Variants in EIF4ENIF1 observed in about 807,000 individuals in gnomAD.
EIF4ENIF1 encodes the protein eukaryotic translation initiation factor 4E transporter.
Under a neutral mutation model 110.5 loss-of-function variants are expected in EIF4ENIF1, and 23 were observed. The ratio of observed to expected loss-of-function variants is 0.21; its 90% CI spans 0.15 to 0.29. The LOEUF (loss-of-function observed/expected upper bound fraction) is 0.29. Among genes scored for constraint, EIF4ENIF1 ranks in the 10% least tolerant of loss-of-function variants. EIF4ENIF1 has a pLI of 1.00. For missense variants in EIF4ENIF1, 1,031 were observed against 1,221.1 expected (o/e 0.84, Z 2.32); for synonymous variants, 440 against 437.0 (o/e 1.01, Z -0.09).
At chr22:31,453,376 CTTTTT>C (rs749007679) in intron 10 of EIF4ENIF1, 193 of 321,846 alleles carry the variant, frequency 6.0e-4, no homozygotes, top group Admixed American at 9.2e-4. Context: ...ACCCATCTTA[CTTTTT>C]TTTTTTTTTT....
intron 6 of EIF4ENIF1, chr22:31,461,874 T>TAA (rs773689678): frequency 3.9e-5 from 6 of 152,206 alleles, no homozygotes; most frequent in Non-Finnish European, 5.9e-5. Context: ...GTGACTACCT[T>TAA]AAGTGTCCTT....
intron 3 of EIF4ENIF1, among the ~76,000 whole-genome samples, chr22:31,470,481 A>C (rs1170014225): frequency 6.6e-6 from 1 of 151,918 alleles, no homozygotes; most frequent in African/African-American, 2.4e-5. Flanking sequence ...GGGTTTCGCC[A>C]TGTTGGCCAG....
downstream of EIF4ENIF1, among the ~76,000 whole-genome samples, chr22:31,438,727 CTT>C (rs796917982): frequency 1.4e-5 from 2 of 145,198 alleles, no homozygotes; most frequent in African/African-American, 5.0e-5. Context: ...GTCCAATTAA[CTT>C]TTTTTTTTTT....
intron 3 of EIF4ENIF1, among the ~76,000 whole-genome samples, 179 bp downstream of exon 3, chr22:31,471,665 C>T (rs1249746274): frequency 6.6e-6 from 1 of 152,156 alleles, no homozygotes; most frequent in Non-Finnish European, 1.5e-5. Context: ...ACCAGGTCAT[C>T]TTTTAATTTT....
chr22:31,469,540 A>T (rs2051293894), intron 3 of EIF4ENIF1, among the ~76,000 whole-genome samples: 1 of 152,176 alleles, frequency 6.6e-6, no homozygotes, highest in Admixed American at 6.5e-5. Flanking sequence ...CTTCTAGGGT[A>T]GTGGTGAGGA....
intron 4 of EIF4ENIF1, among the ~76,000 whole-genome samples, chr22:31,466,341 A>C (rs1164934033): frequency 6.6e-6 from 1 of 151,654 alleles, no homozygotes; most frequent in African/African-American, 2.4e-5. Context: ...TGAACCCGGG[A>C]GGCAGAGGTT....
chr22:31,487,420 G>A (rs2052075282), intron 2 of EIF4ENIF1, among the ~76,000 whole-genome samples: 1 of 152,156 alleles, frequency 6.6e-6, no homozygotes, highest in Admixed American at 6.5e-5. Context: ...TAAGAGTAGT[G>A]CACCAGAACA....
At chr22:31,448,027 G>A in intron 13 of EIF4ENIF1, 126 bp downstream of exon 13, 1 of 1,027,334 alleles carries the variant, frequency 9.7e-7, no homozygotes, top group Non-Finnish European at 1.5e-6. Flanking sequence ...GGGATTACGG[G>A]CATGAGCCAC....
intron 4 of EIF4ENIF1, among the ~76,000 whole-genome samples, chr22:31,466,961 G>A (rs574691015): frequency 2.0e-5 from 3 of 152,160 alleles, no homozygotes; most frequent in Admixed American, 1.3e-4. Context: ...TACTTTTACA[G>A]AATTTCTGTG....
chr22:31,469,913 C>T (rs2051308587), intron 3 of EIF4ENIF1, among the ~76,000 whole-genome samples: 1 of 151,986 alleles, frequency 6.6e-6, no homozygotes, highest in South Asian at 2.1e-4. Flanking sequence ...CTGCTAATCC[C>T]AGCACTTTGG....
chr22:31,486,278 A>T (rs9680754), intron 2 of EIF4ENIF1, among the ~76,000 whole-genome samples: 44 of 19,166 alleles, frequency 2.3e-3, no homozygotes, highest in African/African-American at 9.1e-3. Flanking sequence ...CTCAAAAAAA[A>T]AAAAATAAAA....
intron 4 of EIF4ENIF1, among the ~76,000 whole-genome samples, chr22:31,466,911 A>G (rs1048651369): frequency 6.6e-6 from 1 of 152,188 alleles, no homozygotes; most frequent in Non-Finnish European, 1.5e-5. Context: ...ATCTGCTTTA[A>G]TTCTGTTATC....
In EIF4ENIF1 at chr22:31,456,437, A is replaced by C. The variant is rs551750242; in HGVS notation, c.964-450T>G. 1.1e-4 allele frequency among the ~76,000 whole-genome samples: 17 copies of C among 151,764 alleles called. No individual in the cohort carries two copies. In the Middle Eastern group the frequency reaches 0.01, roughly 92 times the overall value. ...ACGGGGTTTTACCGTGTTAGCCAGG[A>C]TGGTCTCGATCTCCTGACCTTGTGA... On this transcript the variant is annotated intron_variant, in intron 7 of 18. Transcript: ENST00000330125.
intron 10 of EIF4ENIF1, among the ~76,000 whole-genome samples, chr22:31,452,796 C>T (rs1357734533): frequency 1.3e-5 from 2 of 152,170 alleles, no homozygotes; most frequent in African/African-American, 4.8e-5. Context: ...GGGACATTCT[C>T]CTGCAACTGG....
chr22:31,472,576 T>A (rs2051419539), intron 2 of EIF4ENIF1, among the ~76,000 whole-genome samples: 1 of 151,948 alleles, frequency 6.6e-6, no homozygotes, highest in Non-Finnish European at 1.5e-5. Context: ...GGGGCGATAG[T>A]TTTTTTTAAA....
At chr22:31,442,774 C>CA (rs2145896586) in intron 16 of EIF4ENIF1, among the ~76,000 whole-genome samples, 188 bp downstream of exon 16, 1 of 152,334 alleles carries the variant, frequency 6.6e-6, no homozygotes, top group Non-Finnish European at 1.5e-5. Flanking sequence ...AGCAACCAAG[C>CA]AATTGTGAGC....
At chr22:31,471,946 G>A in intron 2 of EIF4ENIF1, 29 bp from the exon 3 acceptor site, 1 of 1,555,266 alleles carries the variant, frequency 6.4e-7, no homozygotes, top group Non-Finnish European at 8.8e-7. Flanking sequence ...TAGTCATTTT[G>A]AATTACATTT....
intron 2 of EIF4ENIF1, among the ~76,000 whole-genome samples, chr22:31,480,632 G>A (rs2051779618): frequency 6.6e-6 from 1 of 152,182 alleles, no homozygotes; most frequent in Non-Finnish European, 1.5e-5. Flanking sequence ...GCGTGCGCCT[G>A]TAGTCCCAGC....
intron 2 of EIF4ENIF1, among the ~76,000 whole-genome samples, chr22:31,477,747 T>C (rs2051644668): frequency 1.3e-5 from 2 of 151,692 alleles, no homozygotes; most frequent in African/African-American, 2.4e-5. Flanking sequence ...CACCTGTCCA[T>C]AGAGGATAAA....
Sources: allele counts gnomAD v4.1 joint callset (sites outside exome capture counted in the v4.1 genomes callset), GRCh38; gene constraint gnomAD v4.1.1; transcripts MANE v1.5; gene names NCBI Gene and HGNC (gene_info 2026-07-23, HGNC 2026-07-21).